COPG2: variants seen among roughly 807,000 people sequenced by gnomAD.
COPG2 encodes the protein coat protein complex I subunit gamma 2.
In COPG2, 37 loss-of-function variants were observed where a neutral mutation model predicts 46.3. That is an observed-to-expected ratio of 0.80 (90% CI 0.61 to 1.05). The LOEUF (loss-of-function observed/expected upper bound fraction) is 1.05, where lower values mean the gene tolerates loss of function less well. Ranked by LOEUF, COPG2 falls within the 50% of genes least tolerant of loss-of-function variation. COPG2 has a pLI of 0.00. For synonymous variants in COPG2, 159 were observed against 129.7 expected (o/e 1.23, Z -1.53); for missense variants, 427 against 387.8 (o/e 1.10, Z -0.85).
chr7:130,591,340 A>C (rs2116461968), intron 9 of COPG2, among the ~76,000 whole-genome samples: 1 of 35,748 alleles, frequency 2.8e-5, no homozygotes, highest in Non-Finnish European at 5.9e-5. Flanking sequence ...GGCCGCCCCT[A>C]CTGCGAAGTG....
chr7:130,542,573 T>C (rs889308708), intron 20 of COPG2, among the ~76,000 whole-genome samples: 2 of 151,880 alleles, frequency 1.3e-5, no homozygotes, highest in East Asian at 1.9e-4. Flanking sequence ...GTGGATTGAC[T>C]TGGAGGTGGC....
chr7:130,605,658 G>A (rs931249480), intron 9 of COPG2: 10 of 494,624 alleles, frequency 2.0e-5, no homozygotes, highest in Non-Finnish European at 2.8e-5. Flanking sequence ...CTGAAAGCCA[G>A]CAAGGAAACA....
chr7:130,657,658 T>C (rs1381012416), intron 4 of COPG2, among the ~76,000 whole-genome samples: 2 of 152,194 alleles, frequency 1.3e-5, no homozygotes, highest in Non-Finnish European at 2.9e-5. Context: ...GTATCCAGAA[T>C]GCATAAAGAC....
chr7:130,596,436 T>C (rs1178405095), intron 9 of COPG2, among the ~76,000 whole-genome samples: 6 of 152,224 alleles, frequency 3.9e-5, no homozygotes, highest in Non-Finnish European at 7.3e-5. Context: ...TTATCTCTAC[T>C]ACGAAGTTTT....
In COPG2 at chr7:130,641,175, CAAAAAAAAA is replaced by C. The variant is rs34617870; in HGVS notation, c.323+11685_323+11693del. Reference sequence around the variant, plus strand: ...ATCAACATAGCAAGACCCTACCTCTCAAAAAAAAAAAAAAAAAAAAGAGAACAACAGAGA... The same window carrying C: ...ATCAACATAGCAAGACCCTACCTCTCAAAAAAAAAAAGAGAACAACAGAGA... On this transcript the variant is annotated intron_variant, in intron 5 of 23. Coordinates refer to ENST00000425248, the MANE Select transcript of COPG2 (RefSeq NM_012133.6). Among the ~76,000 whole-genome samples the C allele has an allele frequency of 5.7e-4, 50 of 87,928 alleles. No individual in the cohort carries two copies. In the South Asian group the frequency reaches 0.011, roughly 19 times the overall value. The allele number at this position is 87,928 out of a possible 152,430, so 57.7% of individuals were successfully genotyped here.
At chr7:130,562,987 T>TA (rs1793741083) in intron 11 of COPG2, among the ~76,000 whole-genome samples, 1 of 152,336 alleles carries the variant, frequency 6.6e-6, no homozygotes, top group South Asian at 2.1e-4. Flanking sequence ...TTTTTTATTT[T>TA]AATTAATTTA....
intron 20 of COPG2, among the ~76,000 whole-genome samples, chr7:130,546,470 C>T (rs914542840): frequency 4.1e-4 from 62 of 152,232 alleles, no homozygotes; most frequent in African/African-American, 1.4e-3. Context: ...CAGATAGCCT[C>T]GAGCTCAAAG....
At chr7:130,603,804 A>C (rs1554450777) in intron 9 of COPG2, 1 of 518,920 alleles carries the variant, frequency 1.9e-6, no homozygotes, top group South Asian at 1.4e-5. Context: ...ATCCTCGAAC[A>C]ACATGGGGTT....
At chr7:130,516,526 CTT>C (rs2116341796) in intron 20 of COPG2, among the ~76,000 whole-genome samples, 1 of 152,112 alleles carries the variant, frequency 6.6e-6, no homozygotes, top group African/African-American at 2.4e-5. Flanking sequence ...ACTGAGGAGA[CTT>C]ATATGCAAAA....
At chr7:130,641,175 CAAAAAAAA>C (rs34617870) in intron 5 of COPG2, among the ~76,000 whole-genome samples, 2 of 87,928 alleles carry the variant, frequency 2.3e-5, no homozygotes, top group African/African-American at 5.4e-5. Context: ...CCCTACCTCT[CAAAAAAAA>C]AAAAAAAAAA....
chr7:130,531,404 A>G (rs1799823832), intron 20 of COPG2, among the ~76,000 whole-genome samples: 1 of 152,130 alleles, frequency 6.6e-6, no homozygotes, highest in Non-Finnish European at 1.5e-5. Flanking sequence ...TATGTGGATC[A>G]AAAGGGAAGT....
chr7:130,649,416 G>T (rs1412922263), intron 5 of COPG2, among the ~76,000 whole-genome samples: 1 of 152,170 alleles, frequency 6.6e-6, no homozygotes, highest in African/African-American at 2.4e-5. Context: ...GTGGCAAAAA[G>T]AAACTAGGCC....
chr7:130,667,698 G>A (rs908604143), intron 1 of COPG2, among the ~76,000 whole-genome samples, 164 bp from the exon 2 acceptor site: 4 of 152,132 alleles, frequency 2.6e-5, no homozygotes, highest in Admixed American at 2.6e-4. Flanking sequence ...TTTTGATCCC[G>A]GCTCTGTCAC....
rs192867862 is a variant in COPG2 at position 130,585,738 on chromosome 7, G to A, written c.738-21345C>T. On this transcript the variant is annotated intron_variant, in intron 9 of 23. Coordinates refer to ENST00000425248, the MANE Select transcript of COPG2 (RefSeq NM_012133.6). ...AAATGCTCAACATCACTAATGATCA[G>A]GGAAATGCAAATCAAAACCACAATG... Among the ~76,000 whole-genome samples the A allele has an allele frequency of 4.7e-3, 714 of 152,128 alleles. 27 individuals carry two copies. The highest frequency in any genetic ancestry group is 0.042 in the Admixed American group (639 of 15,260).
At chr7:130,549,853 G>A (rs938616380) in intron 17 of COPG2, among the ~76,000 whole-genome samples, 2 of 151,448 alleles carry the variant, frequency 1.3e-5, no homozygotes, top group South Asian at 2.1e-4. Flanking sequence ...TATGATTGTC[G>A]CCCATAAATT....
Position 130,542,848 on chromosome 7 carries a change from T to C in COPG2, c.2149+4826A>G, listed in dbSNP as rs1052871161. Among the ~76,000 whole-genome samples, 3 of 151,958 alleles carry C rather than the reference T, an allele frequency of 2.0e-5. 1 individual carries two copies. The highest frequency in any genetic ancestry group is 4.2e-4 in the South Asian group (2 of 4,804). ...CATCAGTAAAAGGGCTGACATGGAA[T>C]AGGGGAAGGTGGAATGCAGAGTTCC... On this transcript the variant is annotated intron_variant, in intron 20 of 23. Transcript: ENST00000425248.
chr7:130,552,474 C>A, intron 14 of COPG2, 44 bp from the exon 15 acceptor site: 1 of 398,076 alleles, frequency 2.5e-6, no homozygotes, highest in South Asian at 1.3e-4. Flanking sequence ...ATTGGTTTCT[C>A]AGAGTTAACC....
chr7:130,637,531 T>C (rs1478242451), intron 5 of COPG2, among the ~76,000 whole-genome samples: 3 of 152,248 alleles, frequency 2.0e-5, no homozygotes, highest in East Asian at 1.9e-4. Context: ...TTGATACTTG[T>C]GTATGCTTCA....
intron 12 of COPG2, 68 bp downstream of exon 12, chr7:130,560,965 A>C: frequency 2.5e-6 from 1 of 398,238 alleles, no homozygotes; most frequent in Non-Finnish European, 4.4e-6. Context: ...TTCTCAAATG[A>C]TACCGTTAAG....
Sources: allele counts gnomAD v4.1 joint callset (sites outside exome capture counted in the v4.1 genomes callset), GRCh38; gene constraint gnomAD v4.1.1; transcripts MANE v1.5; gene names NCBI Gene and HGNC (gene_info 2026-07-23, HGNC 2026-07-21).